The following EIPR1 variants were observed in gnomAD, a reference collection of about 807,000 sequenced individuals.
The protein encoded by EIPR1 is EARP complex and GARP complex interacting protein 1, also known as EARP and GARP complex-interacting protein 1.
EIPR1 carries 25 observed loss-of-function variants against 48.1 expected under a neutral mutation model. The ratio of observed to expected loss-of-function variants is 0.52; its 90% CI spans 0.38 to 0.73. The LOEUF (loss-of-function observed/expected upper bound fraction) is 0.73, where lower values mean the gene tolerates loss of function less well. Among genes scored for constraint, EIPR1 ranks in the 30% least tolerant of loss-of-function variants. The pLI is 0.00. For synonymous variants in EIPR1, 204 were observed against 201.9 expected, an observed-to-expected ratio of 1.01 and a Z score of -0.09; for missense variants, 415 against 506.2, an observed-to-expected ratio of 0.82 and a Z score of 1.73.
intron 5 of EIPR1, among the ~76,000 whole-genome samples, chr2:3,206,749 AT>A (rs11434595): frequency 5.0e-4 from 75 of 150,384 alleles, no homozygotes; most frequent in Non-Finnish European, 3.7e-4. Context: ...GATCAGAATT[AT>A]TTTTTTTTTA....
intron 3 of EIPR1, among the ~76,000 whole-genome samples, chr2:3,304,225 G>A (rs760005399): frequency 2.0e-5 from 3 of 152,220 alleles, no homozygotes; most frequent in Admixed American, 6.5e-5. Flanking sequence ...CGTGCTGTGC[G>A]CGGGGAGGTG....
chr2:3,349,713 T>C (rs1437922561), intron 2 of EIPR1, among the ~76,000 whole-genome samples: 1 of 150,198 alleles, frequency 6.7e-6, no homozygotes, highest in South Asian at 2.1e-4. Context: ...ACAGGGAGCA[T>C]GCTGGGAGAT....
At chr2:3,364,734 G>A (rs950325360) in intron 1 of EIPR1, among the ~76,000 whole-genome samples, 2 of 152,026 alleles carry the variant, frequency 1.3e-5, no homozygotes, top group African/African-American at 4.8e-5. Context: ...AGCATAGAAA[G>A]ACAACACATG....
intron 5 of EIPR1, among the ~76,000 whole-genome samples, chr2:3,202,095 G>A (rs994267094): frequency 1.4e-4 from 21 of 151,916 alleles, no homozygotes; most frequent in Admixed American, 3.3e-4. Context: ...CCGCCACCAC[G>A]CCCGGCTAAT....
intron 4 of EIPR1, 36 bp downstream of exon 4, chr2:3,257,263 G>A: frequency 6.3e-7 from 1 of 1,590,230 alleles, no homozygotes. Flanking sequence ...CAACCTGCAG[G>A]CTCGTTCTGG....
At chr2:3,357,338 G>T (rs1670753543) in intron 1 of EIPR1, among the ~76,000 whole-genome samples, 1 of 152,268 alleles carries the variant, frequency 6.6e-6, no homozygotes, top group Non-Finnish European at 1.5e-5. Context: ...AATGGCAGCT[G>T]TGAGGAGGAC....
At chr2:3,209,894 G>A (rs1665383942) in intron 5 of EIPR1, among the ~76,000 whole-genome samples, 1 of 152,150 alleles carries the variant, frequency 6.6e-6, no homozygotes, top group Non-Finnish European at 1.5e-5. Flanking sequence ...AATCATCGTT[G>A]GGGCACAGAG....
At chr2:3,247,044 GGAGGGAGA>G (rs1558249267) in intron 4 of EIPR1, among the ~76,000 whole-genome samples, 1 of 8,620 alleles carries the variant, frequency 1.2e-4, no homozygotes, top group African/African-American at 3.2e-4. Flanking sequence ...AGGGAGAGAG[GGAGGGAGA>G]GAGGGAGGGA....
chr2:3,332,528 C>G (rs1323132669), intron 3 of EIPR1, among the ~76,000 whole-genome samples: 1 of 152,198 alleles, frequency 6.6e-6, no homozygotes, highest in Non-Finnish European at 1.5e-5. Context: ...CGGAGGCCAG[C>G]CTGCCACCTG....
intron 1 of EIPR1, among the ~76,000 whole-genome samples, chr2:3,357,921 G>C (rs374334230): frequency 3.3e-5 from 5 of 152,178 alleles, no homozygotes; most frequent in Admixed American, 3.3e-4. Context: ...CTTATGTCTT[G>C]ACTTTAGCCC....
intron 1 of EIPR1, among the ~76,000 whole-genome samples, chr2:3,357,290 T>G (rs1210898017): frequency 6.6e-6 from 1 of 152,214 alleles, no homozygotes; most frequent in African/African-American, 2.4e-5. Flanking sequence ...AGTTCTTTGC[T>G]CAAGATGCCA....
At chr2:3,190,360 A>AC (rs1008995784) in intron 8 of EIPR1, among the ~76,000 whole-genome samples, 139 of 151,714 alleles carry the variant, frequency 9.2e-4, no homozygotes, top group African/African-American at 3.1e-3. Context: ...AAAATGCTTC[A>AC]CCCCCCCAGC....
chr2:3,223,784 C>G (rs1296485039), intron 4 of EIPR1, among the ~76,000 whole-genome samples: 1 of 152,142 alleles, frequency 6.6e-6, no homozygotes, highest in Non-Finnish European at 1.5e-5. Context: ...CACTCCCATT[C>G]TGAGGGCTGG....
In EIPR1 at chr2:3,208,684, A is replaced by G. The variant is rs959608782; in HGVS notation, c.516+5465T>C. ...TTCTTGCAGTCATAACTCAACCCCA[A>G]TTCCCCCAGGAAACACTCGGCGGGT... On this transcript the variant is annotated intron_variant, in intron 5 of 8. Coordinates refer to ENST00000382125, the MANE Select transcript of EIPR1 (RefSeq NM_003310.5). 6 of 1,550,326 alleles carry G rather than the reference A, an allele frequency of 3.9e-6. No individual in the cohort carries two copies. The African/African-American group carries it at 6.9e-5, about 18-fold the overall frequency.
At chr2:3,287,926 G>T (rs930081841) in intron 3 of EIPR1, among the ~76,000 whole-genome samples, 4 of 152,152 alleles carry the variant, frequency 2.6e-5, no homozygotes, top group African/African-American at 9.7e-5. Flanking sequence ...CGGTGGAGGG[G>T]CCAAGGTCGT....
chr2:3,245,371 C>T (rs1483486974), intron 4 of EIPR1, among the ~76,000 whole-genome samples: 2 of 152,038 alleles, frequency 1.3e-5, no homozygotes, highest in African/African-American at 4.8e-5. Context: ...CATCACCGTG[C>T]CCAGCTAATT....
chr2:3,242,529 T>C (rs2602760), intron 4 of EIPR1, among the ~76,000 whole-genome samples: 132,469 of 145,148 alleles, frequency 0.91, 60,951 homozygotes, highest in East Asian at 0.97. Flanking sequence ...CACTGACGGC[T>C]GGAAGACAGA....
chr2:3,224,825 C>T (rs1666008211), intron 4 of EIPR1, among the ~76,000 whole-genome samples: 1 of 152,204 alleles, frequency 6.6e-6, no homozygotes, highest in Non-Finnish European at 1.5e-5. Flanking sequence ...TGCCGGAACC[C>T]CTGTTACATC....
intron 3 of EIPR1, among the ~76,000 whole-genome samples, chr2:3,306,231 C>T (rs556845731): frequency 1.3e-5 from 2 of 152,330 alleles, no homozygotes; most frequent in Non-Finnish European, 2.9e-5. Flanking sequence ...CAGCGCTGTA[C>T]ACACCTTTCC....
Sources: allele counts gnomAD v4.1 joint callset (sites outside exome capture counted in the v4.1 genomes callset), GRCh38; gene constraint gnomAD v4.1.1; transcripts MANE v1.5; gene names NCBI Gene and HGNC (gene_info 2026-07-23, HGNC 2026-07-21).